Variants in SELENOW observed in about 807,000 individuals in gnomAD.
SELENOW encodes the protein selenoprotein W, 1.
In SELENOW, 20 loss-of-function variants were observed where a neutral mutation model predicts 16.6. The ratio of observed to expected loss-of-function variants is 1.21; its 90% CI spans 0.85 to 1.76. The LOEUF (loss-of-function observed/expected upper bound fraction) is 1.76. Ranked by LOEUF, SELENOW falls within the 40% of genes most tolerant of loss-of-function variation. SELENOW has a pLI of 0.00. For synonymous variants in SELENOW, 44 were observed against 46.2 expected, an observed-to-expected ratio of 0.95 and a Z score of 0.19; for missense variants, 124 against 111.0, an observed-to-expected ratio of 1.12 and a Z score of -0.53.
At chr19:47,780,836 C>A in intron 2 of SELENOW, 28 bp from the exon 3 acceptor site, 1 of 1,611,128 alleles carries the variant, frequency 6.2e-7, no homozygotes, top group Non-Finnish European at 8.5e-7. Flanking sequence ...GGTATGACCC[C>A]TGCTGTGACC....
intron 1 of SELENOW, 170 bp downstream of exon 1, chr19:47,778,984 G>A: frequency 1.6e-6 from 1 of 612,066 alleles, no homozygotes. Flanking sequence ...ACAGAGGGCG[G>A]TCGTCCCTAG....
chr19:47,781,021 C>T, intron 3 of SELENOW, 87 bp from the exon 4 acceptor site: 2 of 1,552,218 alleles, frequency 1.3e-6, no homozygotes, highest in Non-Finnish European at 1.8e-6. Context: ...CGCCCTTCAC[C>T]CATGTTCTCA....
rs1164661153 is a variant in SELENOW, at chr19:47,778,793, T to C, written c.8T>C (p.Leu3Pro). The C allele has an allele frequency of 1.2e-6, 2 of 1,605,782 alleles. No individual in the cohort carries two copies. Among genetic ancestry groups the C allele is most frequent in the Middle Eastern group, 1.7e-4 (1 of 6,040 alleles). Residue 3 changes from leucine (L) to proline (P), a missense_variant, in exon 1 of 6, where the codon CTC (leucine) becomes CCC (proline). By Grantham distance (98) the Leu-to-Pro change is moderately conservative. Transcript: ENST00000601048. ...ATGTGGCAGCCCCGAGCCATGGCTCTCGCCGTCCGAGTCGTTTATTGGTAA... is the reference window on the plus strand; with the variant it reads ...ATGTGGCAGCCCCGAGCCATGGCTCCCGCCGTCCGAGTCGTTTATTGGTAA... MA[L>P]AVRVVYCGAU... is the part of the protein sequence containing the mutation.
At position 47,778,849 on chromosome 19, in the gene SELENOW, C is replaced by G. The variant is rs1227722539; in HGVS notation, c.29+35C>G. 5 of 1,586,628 alleles carry G rather than the reference C, an allele frequency of 3.2e-6. No homozygotes were observed. In the African/African-American group the frequency reaches 6.7e-5, roughly 21 times the overall value. The stretch of plus-strand genomic sequence containing the variant: ...GCGGCCAGCGGCCCCCGTCCCCGAC[C>G]CCCGCCGGGACCCGATTCTCGGAGC... On this transcript the variant is annotated intron_variant, in intron 1 of 5. Transcript: ENST00000601048.
chr19:47,780,202 G>T (rs1967456699), intron 1 of SELENOW: 1 of 419,342 alleles, frequency 2.4e-6, no homozygotes, highest in Non-Finnish European at 4.8e-6. Context: ...GAGGTTAGGA[G>T]TTCGAGACCA....
At chr19:47,780,975 C>G (rs1202857188) in intron 3 of SELENOW, 58 bp downstream of exon 3, 1 of 1,590,360 alleles carries the variant, frequency 6.3e-7, no homozygotes, top group East Asian at 2.2e-5. Flanking sequence ...GTCCGTTAGG[C>G]CTGGATGGCA....
chr19:47,780,115 A>C (rs1300715816), intron 1 of SELENOW: 2 of 455,922 alleles, frequency 4.4e-6, no homozygotes, highest in East Asian at 1.4e-4. Context: ...TTCAGAATCT[A>C]GGAGCTGCGG....
intron 3 of SELENOW, 71 bp downstream of exon 3, chr19:47,780,988 G>T (rs756478325): frequency 1.3e-6 from 2 of 1,574,664 alleles, no homozygotes; most frequent in South Asian, 2.2e-5. Flanking sequence ...GGATGGCACT[G>T]CAGGGGGGTT....
chr19:47,779,032 G>T (rs1967441396), intron 1 of SELENOW: 1 of 558,768 alleles, frequency 1.8e-6, no homozygotes, highest in East Asian at 3.1e-5. Flanking sequence ...GGCATCTCGG[G>T]TTATAAAAGG....
chr19:47,781,991 G>T (rs940364438), intron 5 of SELENOW, among the ~76,000 whole-genome samples: 1 of 152,096 alleles, frequency 6.6e-6, no homozygotes, highest in African/African-American at 2.4e-5. Flanking sequence ...TTGGTGGTGG[G>T]GTCAGAGGGC....
In SELENOW at chr19:47,778,897, G is replaced by A; in HGVS notation, c.29+83G>A. On this transcript the variant is annotated intron_variant, in intron 1 of 5. Transcript: ENST00000601048. ...AGCCGGGGTCAGGGAGCCCCGGGGA[G>A]AGGACCCATGGGAGCCCTTGTATGG... 4.3e-6 allele frequency: 6 copies of A among 1,410,466 alleles called. No individual in the cohort carries two copies. The East Asian group carries it at 7.4e-5, about 17-fold the overall frequency. 87.4% of individuals were successfully genotyped at this position (1,410,466 alleles called of 1,614,324 possible). A position where few individuals can be genotyped will look rare whatever the true frequency, so the allele number is the denominator to read the frequency against.
chr19:47,781,930 A>G (rs1243182682), intron 5 of SELENOW, among the ~76,000 whole-genome samples: 1 of 152,004 alleles, frequency 6.6e-6, no homozygotes, highest in Non-Finnish European at 1.5e-5. Context: ...AGATAGGGTC[A>G]GAGGTATGCA....
At chr19:47,782,498 T>G (rs1411697456) in intron 5 of SELENOW, 1 of 152,122 alleles carries the variant, frequency 6.6e-6, no homozygotes, top group African/African-American at 2.4e-5. Flanking sequence ...TGACCACTAG[T>G]TCCTGGAGTT....
chr19:47,779,994 A>G (rs558449116), intron 1 of SELENOW: 1 of 333,838 alleles, frequency 3.0e-6, no homozygotes. Flanking sequence ...AGCAGAGGCA[A>G]GAGTGACATT....
At chr19:47,779,058 T>G in intron 1 of SELENOW, 2 of 537,858 alleles carry the variant, frequency 3.7e-6, no homozygotes, top group African/African-American at 2.0e-5. Flanking sequence ...CTGAGACGAG[T>G]GTGTGTCAAT....
intron 5 of SELENOW, 179 bp downstream of exon 5, chr19:47,781,567 A>G: frequency 1.6e-6 from 1 of 606,482 alleles, no homozygotes. Flanking sequence ...ATGGGGTCAG[A>G]GGTGTGCAGG....
chr19:47,778,852 CG>C, intron 1 of SELENOW, 38 bp downstream of exon 1: 1 of 1,581,692 alleles, frequency 6.3e-7, no homozygotes, highest in Non-Finnish European at 8.6e-7. Context: ...CCCCGACCCC[CG>C]CCGGGACCCG....
rs1030150444 is a variant in SELENOW at position 47,780,897 on chromosome 19, T to C, written c.88T>C (p.Phe30Leu). Residue 30 changes from phenylalanine to leucine, a missense_variant, in exon 3 of 6, where the codon TTC becomes CTC. Transcript: ENST00000601048. ...LQLKKKLEDEFPGRLDICGEG... is the reference protein window; with the variant it reads ...LQLKKKLEDELPGRLDICGEG... The stretch of plus-strand genomic sequence containing the variant: ...GCTCAAGAAGAAGTTAGAAGATGAG[T>C]TCCCCGGCCGCCTGGACATCGTGAG... 1 of 1,613,102 alleles carries C rather than the reference T, an allele frequency of 6.2e-7. No homozygotes were observed. Among genetic ancestry groups the C allele is most frequent in the African/African-American group, 1.3e-5 (1 of 74,780 alleles).
chr19:47,779,702 G>A (rs1048062468), intron 1 of SELENOW: 6 of 153,930 alleles, frequency 3.9e-5, no homozygotes, highest in African/African-American at 1.4e-4. Context: ...GCAGCTGCTT[G>A]GGAGGCTGAG....
Sources: gnomAD v4.1 joint callset for allele counts (sites outside exome capture counted in the v4.1 genomes callset) on GRCh38, gnomAD v4.1.1 for gene constraint, MANE v1.5 for transcripts, NCBI Gene and HGNC (gene_info 2026-07-23, HGNC 2026-07-21) for gene names.